The following SYT3 variants were observed in gnomAD, a reference collection of about 807,000 sequenced individuals.
SYT3 encodes the protein synaptotagmin-3.
Under a neutral mutation model 50.6 loss-of-function variants are expected in SYT3, and 25 were observed. The observed-to-expected ratio is 0.49, with a 90% CI of 0.36 to 0.69. The LOEUF (loss-of-function observed/expected upper bound fraction) is 0.69, where lower values mean the gene tolerates loss of function less well. Among genes scored for constraint, SYT3 ranks in the 30% least tolerant of loss-of-function variants. SYT3 has a pLI of 0.00. For synonymous variants in SYT3, 323 were observed against 353.9 expected (o/e 0.91, Z 0.98); for missense variants, 589 against 793.6 (o/e 0.74, Z 3.10).
the SYT3 span, among the ~76,000 whole-genome samples, chr19:50,655,542 G>A: frequency 6.1e-3 from 921 of 152,148 alleles, 9 homozygotes; most frequent in African/African-American, 0.021. Flanking sequence ...TCAGCTACTC[G>A]GGAGGCTGAG....
At chr19:50,633,082 A>G (rs1984379093) in intron 3 of SYT3, among the ~76,000 whole-genome samples, 1 of 152,190 alleles carries the variant, frequency 6.6e-6, no homozygotes, top group Non-Finnish European at 1.5e-5. Flanking sequence ...CTTGGGCTCA[A>G]GCAATCCTCT....
At chr19:50,657,864 C>G in the SYT3 span, 1 of 1,285,816 alleles carries the variant, frequency 7.8e-7, no homozygotes, top group South Asian at 1.6e-5. Context: ...AAGAGCGATC[C>G]TTGCCCCTCA....
At chr19:50,636,539 C>T (rs1340436828) in intron 3 of SYT3, among the ~76,000 whole-genome samples, 2 of 152,224 alleles carry the variant, frequency 1.3e-5, no homozygotes, top group Non-Finnish European at 2.9e-5. Context: ...TGTAATCACT[C>T]AGCACATGCT....
At chr19:50,634,104 C>G (rs939252300) in intron 3 of SYT3, among the ~76,000 whole-genome samples, 2 of 152,230 alleles carry the variant, frequency 1.3e-5, no homozygotes, top group Non-Finnish European at 2.9e-5. Context: ...AACCCAAGTA[C>G]AGAATTGTTC....
rs537027535 is a variant in SYT3 at position 50,633,235 on chromosome 19, G to A, written c.149-424C>T. 2.6e-3 allele frequency among the ~76,000 whole-genome samples: 392 copies of A among 152,276 alleles called. 1 individual carries two copies. Among genetic ancestry groups the A allele is most frequent in the African/African-American group, 9.2e-3 (382 of 41,564 alleles). On this transcript the variant is annotated intron_variant, in intron 3 of 10. Coordinates refer to ENST00000600079, the MANE Select transcript of SYT3 (RefSeq NM_001160329.2). ...GGCCTCAAGCAATCTTCCCACCTTG[G>A]CCTCCCAAAGTGCTGTGATTACAGA...
chr19:50,652,335 C>A, the SYT3 span, among the ~76,000 whole-genome samples: 107 of 152,128 alleles, frequency 7.0e-4, no homozygotes, highest in South Asian at 1.2e-3. Flanking sequence ...ATGCTGGGGA[C>A]GAAAACACAA....
chr19:50,642,750 C>T (rs963107154), upstream of SYT3, among the ~76,000 whole-genome samples: 2 of 152,102 alleles, frequency 1.3e-5, no homozygotes, highest in African/African-American at 4.8e-5. Flanking sequence ...AGGAGAATCA[C>T]TTGAACCCAG....
At chr19:50,628,453 G>A (rs1984154210) in intron 6 of SYT3, among the ~76,000 whole-genome samples, 3 of 152,158 alleles carry the variant, frequency 2.0e-5, no homozygotes, top group African/African-American at 7.2e-5. Context: ...GGGATCCCAG[G>A]ATGGCTGAGG....
At chr19:50,623,613 CAAAAAAAAAAAAAAAAA>C (rs529397903) in intron 9 of SYT3, among the ~76,000 whole-genome samples, 18 of 91,620 alleles carry the variant, frequency 2.0e-4, no homozygotes, top group East Asian at 1.7e-3. Flanking sequence ...CCTGTCTCTA[CAAAAAAAAAAAAAAAAA>C]AAAAAAAAAA....
At chr19:50,643,719 T>C (rs1984716299), upstream of SYT3, among the ~76,000 whole-genome samples, 1 of 152,054 alleles carries the variant, frequency 6.6e-6, no homozygotes, top group Non-Finnish European at 1.5e-5. Context: ...TTTTTTTTTT[T>C]AGACAGCAGG....
intron 5 of SYT3, 50 bp from the exon 6 acceptor site, chr19:50,629,562 C>T (rs1984203313): frequency 2.6e-6 from 4 of 1,546,690 alleles, no homozygotes; most frequent in Non-Finnish European, 3.5e-6. Context: ...TAAGCCCCTC[C>T]TCCACAGGAT....
the SYT3 span, among the ~76,000 whole-genome samples, chr19:50,650,613 G>T: frequency 7.9e-5 from 12 of 152,174 alleles, no homozygotes; most frequent in Non-Finnish European, 1.5e-4. Context: ...AGAGGCTGCA[G>T]CGAGCCAAGA....
chr19:50,651,976 AT>A, the SYT3 span, among the ~76,000 whole-genome samples: 7 of 152,046 alleles, frequency 4.6e-5, no homozygotes, highest in Non-Finnish European at 5.9e-5. Flanking sequence ...GTACAAGGCT[AT>A]TTTTTAAAAT....
the SYT3 span, chr19:50,657,884 T>C: frequency 7.1e-7 from 1 of 1,399,820 alleles, no homozygotes. Context: ...AAATGCCACC[T>C]GGAACTCTGT....
At chr19:50,649,860 C>T in the SYT3 span, 1 of 477,832 alleles carries the variant, frequency 2.1e-6, no homozygotes. Context: ...TGCTCTCCTC[C>T]TTCCTGGTTT....
chr19:50,642,225 C>T (rs1196691864), upstream of SYT3, among the ~76,000 whole-genome samples: 1 of 152,256 alleles, frequency 6.6e-6, no homozygotes, highest in Non-Finnish European at 1.5e-5. Context: ...TTGAACCCTG[C>T]TGGGCCTGCC....
At chr19:50,655,968 C>T in the SYT3 span, 1 of 1,342,016 alleles carries the variant, frequency 7.5e-7, no homozygotes. Context: ...GTGGCATGGG[C>T]AAGCAATTGG....
At chr19:50,629,073 C>G (rs1984179150) in intron 6 of SYT3, among the ~76,000 whole-genome samples, 1 of 152,124 alleles carries the variant, frequency 6.6e-6, no homozygotes, top group Non-Finnish European at 1.5e-5. Context: ...ATCTGCCCAC[C>G]TGGCCTCCCA....
At chr19:50,656,979 A>AAG in the SYT3 span, among the ~76,000 whole-genome samples, 900 of 144,308 alleles carry the variant, frequency 6.2e-3, 15 homozygotes, top group African/African-American at 0.023. Context: ...AAAGAAAGAA[A>AAG]GAAGGAAGGA....
Sources: gnomAD v4.1 joint callset for allele counts (sites outside exome capture counted in the v4.1 genomes callset) on GRCh38, gnomAD v4.1.1 for gene constraint, MANE v1.5 for transcripts, NCBI Gene and HGNC (gene_info 2026-07-23, HGNC 2026-07-21) for gene names.